The following ORC5 variants were observed in gnomAD, a reference collection of about 807,000 sequenced individuals.
ORC5 encodes the protein protein phosphatase 1, regulatory subunit 117.
ORC5 carries 39 observed loss-of-function variants against 58.8 expected under a neutral mutation model. That is an observed-to-expected ratio of 0.66 (90% CI 0.51 to 0.87). The LOEUF (loss-of-function observed/expected upper bound fraction) is 0.87, where lower values mean the gene tolerates loss of function less well. ORC5 is among the 40% of genes least tolerant of loss of function. The pLI, the probability that ORC5 is intolerant of heterozygous loss-of-function variation, is 0.00. For synonymous variants in ORC5, 218 were observed against 177.6 expected, an observed-to-expected ratio of 1.23 and a Z score of -1.81; for missense variants, 493 against 506.3, an observed-to-expected ratio of 0.97 and a Z score of 0.25.
intron 6 of ORC5, among the ~76,000 whole-genome samples, chr7:104,187,064 C>A (rs1287966030): frequency 6.6e-6 from 1 of 152,066 alleles, no homozygotes; most frequent in African/African-American, 2.4e-5. Flanking sequence ...CACAGATTCC[C>A]ACAGGATTCG....
At chr7:104,168,442 C>G (rs1562815494) in intron 9 of ORC5, 31 bp downstream of exon 9, 1 of 1,605,540 alleles carries the variant, frequency 6.2e-7, no homozygotes, top group Admixed American at 1.7e-5. Flanking sequence ...AGAAGTATCT[C>G]CGGTAACTGT....
At chr7:104,160,548 A>C (rs1799004607) in intron 12 of ORC5, among the ~76,000 whole-genome samples, 1 of 152,122 alleles carries the variant, frequency 6.6e-6, no homozygotes, top group Non-Finnish European at 1.5e-5. Context: ...AACAAACCTT[A>C]ACTACTTGTT....
Position 104,135,962 on chromosome 7 carries a change from C to T in ORC5, c.1262+819G>A, listed in dbSNP as rs192398584. Reference sequence around the variant, plus strand: ...ATTACAGTCCTGACAGATTGTTATCCAGCTGCAACCGTATGATGAAGTCAC... The same window carrying T: ...ATTACAGTCCTGACAGATTGTTATCTAGCTGCAACCGTATGATGAAGTCAC... On this transcript the variant is annotated intron_variant, in intron 13 of 13. Coordinates refer to ENST00000297431, the MANE Select transcript of ORC5 (RefSeq NM_002553.4). 7.5e-4 allele frequency among the ~76,000 whole-genome samples: 114 copies of T among 152,272 alleles called. 1 individual carries two copies. The highest frequency in any genetic ancestry group is 1.1e-3 in the Non-Finnish European group (76 of 68,024).
At chr7:104,201,154 G>A (rs1799934069) in intron 2 of ORC5, among the ~76,000 whole-genome samples, 196 bp from the exon 3 acceptor site, 1 of 152,196 alleles carries the variant, frequency 6.6e-6, no homozygotes, top group Non-Finnish European at 1.5e-5. Context: ...GAAGCCAATG[G>A]AAAGAACCAG....
intron 12 of ORC5, among the ~76,000 whole-genome samples, chr7:104,137,301 G>A (rs1383164511): frequency 6.7e-6 from 1 of 149,566 alleles, no homozygotes; most frequent in Non-Finnish European, 1.5e-5. Context: ...TTATTGTTTT[G>A]TAGAGACAGG....
chr7:104,133,851 G>A lies in ORC5; in HGVS notation c.1262+2930C>T, dbSNP rs1798549307. On this transcript the variant is annotated intron_variant, in intron 13 of 13. Coordinates refer to ENST00000297431, the MANE Select transcript of ORC5 (RefSeq NM_002553.4). This position sits in a 1 kb window ranked among gnomAD's most constrained non-coding sequence, Gnocchi z 4.7. ...TCTAAGAGAAGAGAGTTTTAAGAAA[G>A]AGTAGCCAACAGTGTCAGGTGCCAC... Among the ~76,000 whole-genome samples, 1 of 152,118 alleles carries A rather than the reference G, an allele frequency of 6.6e-6. No homozygotes were observed. The highest frequency in any genetic ancestry group is 2.1e-4 in the South Asian group (1 of 4,822).
chr7:104,205,090 T>TC (rs1178763859), intron 1 of ORC5, among the ~76,000 whole-genome samples: 2 of 125,482 alleles, frequency 1.6e-5, no homozygotes, highest in East Asian at 4.1e-4. Context: ...AATACTCTTT[T>TC]TTTTTTTTTT....
rs1391031502 is a variant in ORC5 at position 104,133,437 on chromosome 7, C to T, written c.1262+3344G>A. ...ACTCAAATTTCAGGCCTGGGTAACA[C>T]AGCAGACTGCAGTGCTTATCACTGA... is the stretch of plus-strand genomic sequence containing the variant. On this transcript the variant is annotated intron_variant, in intron 13 of 13. Transcript: ENST00000297431. This position sits in a 1 kb window ranked among gnomAD's most constrained non-coding sequence, Gnocchi z 4.7. Among the ~76,000 whole-genome samples, 1 of 152,066 alleles carries T rather than the reference C, an allele frequency of 6.6e-6. No homozygotes were observed. The highest frequency in any genetic ancestry group is 1.5e-5 in the Non-Finnish European group (1 of 68,020).
At chr7:104,137,530 AC>A (rs1798609590) in intron 12 of ORC5, among the ~76,000 whole-genome samples, 2 of 152,050 alleles carry the variant, frequency 1.3e-5, no homozygotes, top group South Asian at 4.2e-4. Context: ...TTCCAAGACC[AC>A]CCTGGCTACC....
chr7:104,173,450 TG>T (rs1376107885), intron 8 of ORC5, among the ~76,000 whole-genome samples: 2 of 152,196 alleles, frequency 1.3e-5, no homozygotes, highest in African/African-American at 4.8e-5. Flanking sequence ...GAGTCAGAAG[TG>T]GGACTTGCAG....
rs1363803650 is a variant in ORC5, at chr7:104,138,548, T to C, written c.1150-1655A>G. Among the ~76,000 whole-genome samples the C allele has an allele frequency of 1.3e-5, 2 of 152,008 alleles. No homozygotes were observed. The highest frequency in any genetic ancestry group is 4.2e-4 in the South Asian group (2 of 4,816). The stretch of plus-strand genomic sequence containing the variant: ...TTTCTGAGGCAGGGTCTCACTCCAT[T>C]ATCCATGCTGGATTGCAGTGGCGCA... On this transcript the variant is annotated intron_variant, in intron 12 of 13. Transcript: ENST00000297431. This position sits in a 1 kb window ranked among gnomAD's most constrained non-coding sequence, Gnocchi z 4.7.
At chr7:104,198,801 G>A (rs1390415693) in intron 3 of ORC5, among the ~76,000 whole-genome samples, 5 of 152,202 alleles carry the variant, frequency 3.3e-5, no homozygotes, top group Non-Finnish European at 2.9e-5. Flanking sequence ...AGGTCTTCAC[G>A]TGGCAGCCCA....
chr7:104,189,723 C>T (rs1799631430), intron 5 of ORC5, among the ~76,000 whole-genome samples: 1 of 152,168 alleles, frequency 6.6e-6, no homozygotes, highest in Non-Finnish European at 1.5e-5. Flanking sequence ...AGCTTGGGAC[C>T]CCACTGGTCC....
chr7:104,142,985 T>C (rs1798696192), intron 12 of ORC5, among the ~76,000 whole-genome samples: 1 of 152,144 alleles, frequency 6.6e-6, no homozygotes, highest in Admixed American at 6.6e-5. Flanking sequence ...GAAATTTTAA[T>C]GAATGGGAAG....
At chr7:104,141,746 G>T (rs916324614) in intron 12 of ORC5, among the ~76,000 whole-genome samples, 4 of 152,018 alleles carry the variant, frequency 2.6e-5, no homozygotes, top group Non-Finnish European at 5.9e-5. Flanking sequence ...AATAAAACAT[G>T]TAAGAATAAA....
chr7:104,179,182 C>T (rs759718794), intron 8 of ORC5, among the ~76,000 whole-genome samples: 9 of 148,738 alleles, frequency 6.1e-5, no homozygotes, highest in Non-Finnish European at 1.2e-4. Context: ...CTCCCATGCT[C>T]AAGCAATTGT....
At chr7:104,166,536 T>A (rs1040456739) in intron 10 of ORC5, among the ~76,000 whole-genome samples, 1 of 152,226 alleles carries the variant, frequency 6.6e-6, no homozygotes, top group Non-Finnish European at 1.5e-5. Context: ...ATGTATTTTT[T>A]AAATCTGAAT....
At chr7:104,167,821 G>C (rs1799133532) in intron 9 of ORC5, among the ~76,000 whole-genome samples, 1 of 152,092 alleles carries the variant, frequency 6.6e-6, no homozygotes, top group South Asian at 2.1e-4. Flanking sequence ...TTACAGATTT[G>C]TTCTAACTCT....
At chr7:104,187,637 T>C (rs1293893891) in intron 6 of ORC5, 14 of 542,804 alleles carry the variant, frequency 2.6e-5, no homozygotes, top group Admixed American at 6.4e-5. Flanking sequence ...ATCCCTACAA[T>C]TAAAACAAAA....
Sources: gnomAD v4.1 joint callset for allele counts (sites outside exome capture counted in the v4.1 genomes callset) on GRCh38, gnomAD v4.1.1 for gene constraint, Gnocchi (gnomAD v3.1) non-coding constraint, MANE v1.5 for transcripts, NCBI Gene and HGNC (gene_info 2026-07-23, HGNC 2026-07-21) for gene names.